The following SLC7A2 variants were observed in gnomAD, a reference collection of about 807,000 sequenced individuals.
The protein encoded by SLC7A2 is solute carrier family 7 member 2, also known as cationic amino acid transporter 2.
In SLC7A2, 48 loss-of-function variants were observed where a neutral mutation model predicts 58.9. The observed-to-expected ratio is 0.82, with a 90% CI of 0.65 to 1.04. The LOEUF is 1.04. SLC7A2 is among the 50% of genes least tolerant of loss of function. The probability of loss-of-function intolerance (pLI) is 0.00; values close to 1 mark genes in which losing one functional copy is unlikely to be tolerated. For missense variants in SLC7A2, 1,029 were observed against 818.8 expected, an observed-to-expected ratio of 1.26 and a Z score of -3.13; for synonymous variants, 363 against 314.5, an observed-to-expected ratio of 1.15 and a Z score of -1.63.
In SLC7A2 at chr8:17,558,358, T is replaced by C. The variant is rs1192535956; in HGVS notation, c.1259T>C (p.Met420Thr). ...GACATGATGTCCATTGGCACACTCATGGCCTACTCTCTGGTGGCAGCCTGT... is the reference window on the plus strand; with the variant it reads ...GACATGATGTCCATTGGCACACTCACGGCCTACTCTCTGGTGGCAGCCTGT... ...LVDMMSIGTL[M>T]AYSLVAACVL... The change falls in exon 9 of 13, where the codon ATG becomes ACG. Residue 420 changes from methionine to threonine, a missense_variant. Physicochemically the swap from Met to Thr is moderately conservative, Grantham distance 81 (BLOSUM62 -1). Coordinates refer to ENST00000494857, the MANE Select transcript of SLC7A2 (RefSeq NM_001370338.1). 3 of 1,613,462 alleles carry C rather than the reference T, an allele frequency of 1.9e-6. No homozygotes were observed. The highest frequency in any genetic ancestry group is 2.5e-6 in the Non-Finnish European group (3 of 1,179,730).
rs770180988 is a variant in SLC7A2, at chr8:17,544,528, A to G, written c.454A>G (p.Thr152Ala). The G allele has an allele frequency of 2.5e-6, 4 of 1,614,022 alleles. No homozygotes were observed. The highest frequency in any genetic ancestry group is 1.1e-5 in the South Asian group (1 of 91,074). The change falls in exon 4 of 13, where the codon ACA becomes GCA. Residue 152 changes from threonine (T) to alanine (A), a missense_variant. Thr to Ala is a moderately conservative substitution (Grantham distance 58). Coordinates refer to ENST00000494857, the MANE Select transcript of SLC7A2 (RefSeq NM_001370338.1). ...CAAACAGATTGGTCAGTTTTTGAGG[A>G]CATACTTCAGAATGAATTACACTGG... Reference protein sequence around the residue: ...LSKQIGQFLRTYFRMNYTGLA... With the variant: ...LSKQIGQFLRAYFRMNYTGLA...
At chr8:17,537,646 C>G (rs1032318416) in intron 2 of SLC7A2, among the ~76,000 whole-genome samples, 4 of 152,186 alleles carry the variant, frequency 2.6e-5, no homozygotes, top group Admixed American at 6.5e-5. Context: ...GGGGCCATTC[C>G]TCATGTTTGC....
chr8:17,537,816 C>T (rs554743488), intron 2 of SLC7A2, among the ~76,000 whole-genome samples: 7 of 152,294 alleles, frequency 4.6e-5, no homozygotes, highest in East Asian at 3.9e-4. Flanking sequence ...TGGTTGGGAA[C>T]GCAGTGTGCT....
intron 6 of SLC7A2, among the ~76,000 whole-genome samples, chr8:17,550,729 T>C (rs963089979): frequency 6.6e-6 from 1 of 152,220 alleles, no homozygotes; most frequent in Non-Finnish European, 1.5e-5. Context: ...ACTTTATAAA[T>C]GTGAGTCATT....
At position 17,551,677 on chromosome 8, in the gene SLC7A2, G is replaced by C. The variant is rs1197622740; in HGVS notation, c.833-87G>C. ...ACAAAAGCAGAGGAGAACTACCCTGGAGAAGAGGAAGAATTTCACACAATT... is the reference window on the plus strand; with the variant it reads ...ACAAAAGCAGAGGAGAACTACCCTGCAGAAGAGGAAGAATTTCACACAATT... On this transcript the variant is annotated intron_variant, in intron 6 of 12. Coordinates refer to ENST00000494857, the MANE Select transcript of SLC7A2 (RefSeq NM_001370338.1). 13 of 959,912 alleles carry C rather than the reference G, an allele frequency of 1.4e-5. No individual in the cohort carries two copies. In the Admixed American group the frequency reaches 2.3e-4, roughly 17 times the overall value. The allele number at this position is 959,912 out of a possible 1,614,324, so 59.5% of individuals were successfully genotyped here.
upstream of SLC7A2, among the ~76,000 whole-genome samples, chr8:17,494,651 T>C (rs941011540): frequency 3.9e-4 from 60 of 152,354 alleles, 1 homozygote; most frequent in Middle Eastern, 3.4e-3. Flanking sequence ...TCTCATAGTC[T>C]GTCTTAAGAG....
intron 2 of SLC7A2, 101 bp from the exon 3 acceptor site, chr8:17,543,207 CACACACACAA>C: frequency 4.1e-6 from 4 of 982,078 alleles, no homozygotes; most frequent in Non-Finnish European, 6.0e-6. Context: ...CACACACACA[CACACACACAA>C]ACACACACAC....
intron 2 of SLC7A2, among the ~76,000 whole-genome samples, chr8:17,506,742 G>C (rs1255546938): frequency 1.4e-5 from 2 of 147,416 alleles, no homozygotes; most frequent in Non-Finnish European, 3.0e-5. Flanking sequence ...TTACTAGAAT[G>C]CACTACTTCT....
At position 17,526,151 on chromosome 8, in the gene SLC7A2, C is replaced by T. The variant is rs144320561; in HGVS notation, c.-22-17167C>T. 1.8e-3 allele frequency among the ~76,000 whole-genome samples: 280 copies of T among 152,154 alleles called. 1 individual carries two copies. Among genetic ancestry groups the T allele is most frequent in the African/African-American group, 6.2e-3 (259 of 41,512 alleles). ...TACAATCAAAATCCTAGTCTGATAA[C>T]GAATGCTCTGAGTTAGGAACAAGAG... On this transcript the variant is annotated intron_variant, in intron 2 of 12. Transcript: ENST00000494857.
chr8:17,555,591 C>T (rs1802659007), intron 8 of SLC7A2, among the ~76,000 whole-genome samples: 2 of 151,706 alleles, frequency 1.3e-5, no homozygotes, highest in South Asian at 2.1e-4. Flanking sequence ...TTATGCTTGG[C>T]CCTTGTGATC....
chr8:17,569,407 T>G lies in SLC7A2; in HGVS notation c.*4261T>G, dbSNP rs1803414060. ...CACACTTTACTTGTTTATAAAGTTC[T>G]CCCACATGTCCTTAAATATCAAGGG... On this transcript the variant is annotated 3_prime_UTR_variant, in exon 13 of 13. Coordinates refer to ENST00000494857, the MANE Select transcript of SLC7A2 (RefSeq NM_001370338.1). 6.6e-6 allele frequency: 1 copy of G among 152,212 alleles called. No individual in the cohort carries two copies. Among genetic ancestry groups the G allele is most frequent in the Admixed American group, 6.5e-5 (1 of 15,278 alleles). 9.4% of individuals were successfully genotyped at this position (152,212 alleles called of 1,614,324 possible). A position where few individuals can be genotyped will look rare whatever the true frequency, so the allele number is the denominator to read the frequency against.
chr8:17,561,072 C>G (rs1802956454), intron 10 of SLC7A2, among the ~76,000 whole-genome samples: 1 of 152,164 alleles, frequency 6.6e-6, no homozygotes, highest in African/African-American at 2.4e-5. Context: ...GCACAGGCTT[C>G]TCAGAGCAAA....
intron 2 of SLC7A2, among the ~76,000 whole-genome samples, chr8:17,524,793 T>A (rs902317370): frequency 6.6e-6 from 1 of 151,732 alleles, no homozygotes; most frequent in Admixed American, 6.6e-5. Flanking sequence ...CCGCATCTAA[T>A]CCTGATTTTT....
At chr8:17,501,221 C>T (rs1800147914) in intron 1 of SLC7A2, among the ~76,000 whole-genome samples, 1 of 152,114 alleles carries the variant, frequency 6.6e-6, no homozygotes, top group South Asian at 2.1e-4. Flanking sequence ...ACCATGTTGC[C>T]CAGGTTGGTC....
At position 17,567,569 on chromosome 8, in the gene SLC7A2, T is replaced by C. The variant is rs781176598; in HGVS notation, c.*2423T>C. The C allele has an allele frequency of 7.2e-6, 1 of 139,314 alleles. No individual in the cohort carries two copies. Among genetic ancestry groups the C allele is most frequent in the Admixed American group, 7.0e-5 (1 of 14,332 alleles). The allele number at this position is 139,314 out of a possible 1,614,324, so 8.6% of individuals were successfully genotyped here. ...TTACATATGTTTGTATGAGTGTATA[T>C]ATATATCTGTGTGTGTGTATCTCTA... On this transcript the variant is annotated 3_prime_UTR_variant, in exon 13 of 13. Transcript: ENST00000494857.
At chr8:17,520,130 A>G (rs1585200987) in intron 2 of SLC7A2, among the ~76,000 whole-genome samples, 1 of 152,340 alleles carries the variant, frequency 6.6e-6, no homozygotes, top group East Asian at 1.9e-4. Flanking sequence ...AATAAGTGAT[A>G]AAAGCATCTT....
Position 17,533,325 on chromosome 8 carries a change from T to C in SLC7A2, c.-22-9993T>C, listed in dbSNP as rs562776826. Among the ~76,000 whole-genome samples, 48 of 152,340 alleles carry C rather than the reference T, an allele frequency of 3.2e-4. 1 individual carries two copies. The South Asian group carries it at 8.9e-3, about 28-fold the overall frequency. ...AGAATTCAAAATATAGTTTCAAAAG[T>C]GACCATTTTGTTTCAATAAATGACT... On this transcript the variant is annotated intron_variant, in intron 2 of 12. Coordinates refer to ENST00000494857, the MANE Select transcript of SLC7A2 (RefSeq NM_001370338.1).
At chr8:17,557,437 C>G (rs930609703) in intron 8 of SLC7A2, among the ~76,000 whole-genome samples, 1 of 152,048 alleles carries the variant, frequency 6.6e-6, no homozygotes, top group African/African-American at 2.4e-5. Flanking sequence ...AGTAAGTCTA[C>G]CTGGAATGCA....
At chr8:17,524,744 G>A (rs963199723) in intron 2 of SLC7A2, among the ~76,000 whole-genome samples, 2 of 152,000 alleles carry the variant, frequency 1.3e-5, no homozygotes, top group African/African-American at 2.4e-5. Flanking sequence ...TGAAATCACC[G>A]CTGAAGAACT....
Sources: gnomAD v4.1 joint callset for allele counts (sites outside exome capture counted in the v4.1 genomes callset) on GRCh38, gnomAD v4.1.1 for gene constraint, MANE v1.5 for transcripts, NCBI Gene and HGNC (gene_info 2026-07-23, HGNC 2026-07-21) for gene names.